RNF169: variants seen among roughly 807,000 people sequenced by gnomAD.
RNF169 encodes the protein ring finger protein 169.
In RNF169, 24 loss-of-function variants were observed where a neutral mutation model predicts 53.9. That is an observed-to-expected ratio of 0.45 (90% CI 0.32 to 0.63). RNF169 has a LOEUF of 0.63. RNF169 is among the 20% of genes least tolerant of loss of function. RNF169 has a pLI of 0.04. For missense variants in RNF169, 883 were observed against 906.2 expected, an observed-to-expected ratio of 0.97 and a Z score of 0.33; for synonymous variants, 396 against 363.5, an observed-to-expected ratio of 1.09 and a Z score of -1.02.
chr11:74,780,812 T>C (rs1004322961), intron 1 of RNF169, among the ~76,000 whole-genome samples: 4 of 152,162 alleles, frequency 2.6e-5, no homozygotes, highest in African/African-American at 2.4e-5. Context: ...TTTCAGACAT[T>C]TGTGGATTCT....
intron 1 of RNF169, among the ~76,000 whole-genome samples, chr11:74,781,873 G>C (rs2035421322): frequency 6.6e-6 from 1 of 152,164 alleles, no homozygotes; most frequent in Admixed American, 6.6e-5. Context: ...TTCCTCATCT[G>C]TAAAATGTGG....
chr11:74,749,450 G>C (rs1343882777), intron 1 of RNF169, 68 bp downstream of exon 1: 3 of 1,177,180 alleles, frequency 2.5e-6, no homozygotes, highest in Non-Finnish European at 3.2e-6. Context: ...GGCCTGGTGA[G>C]GGGGTGGAGA....
chr11:74,779,056 C>G (rs1750156770), intron 1 of RNF169, among the ~76,000 whole-genome samples: 1 of 152,100 alleles, frequency 6.6e-6, no homozygotes, highest in Admixed American at 6.5e-5. Context: ...CCATAATCAG[C>G]CTAACCATTT....
intron 2 of RNF169, among the ~76,000 whole-genome samples, chr11:74,790,429 A>G (rs564178073): frequency 1.3e-5 from 2 of 152,310 alleles, no homozygotes; most frequent in African/African-American, 4.8e-5. Context: ...TCATCATAAG[A>G]TAGAGGTGAA....
intron 2 of RNF169, among the ~76,000 whole-genome samples, chr11:74,792,142 C>G (rs2035588529): frequency 6.6e-6 from 1 of 152,130 alleles, no homozygotes; most frequent in African/African-American, 2.4e-5. Flanking sequence ...TTTATATTGG[C>G]ATTGTGAGGT....
intron 1 of RNF169, among the ~76,000 whole-genome samples, chr11:74,769,151 A>G (rs565699131): frequency 1.3e-5 from 2 of 152,360 alleles, no homozygotes; most frequent in South Asian, 4.1e-4. Context: ...GATATCCAAC[A>G]TATATGAACT....
At chr11:74,760,406 G>C (rs990648883) in intron 1 of RNF169, among the ~76,000 whole-genome samples, 39 of 151,834 alleles carry the variant, frequency 2.6e-4, no homozygotes, top group African/African-American at 8.4e-4. Context: ...TGATGTTAGG[G>C]TGTCAATTTT....
At position 74,820,617 on chromosome 11, in the gene RNF169, G is replaced by T. The variant is rs576323135; in HGVS notation, c.842+2903G>T. Among the ~76,000 whole-genome samples, 4 of 152,220 alleles carry T rather than the reference G, an allele frequency of 2.6e-5. No individual in the cohort carries two copies. The East Asian group carries it at 7.7e-4, about 29-fold the overall frequency. ...CTTGATGATGGCCTGGGGTGTGTGT[G>T]TGTTTGGGGAGGGATTCAGGAATTG... On this transcript the variant is annotated intron_variant, in intron 4 of 5. Coordinates refer to ENST00000299563, the MANE Select transcript of RNF169 (RefSeq NM_001098638.2).
chr11:74,826,960 CA>C (rs2036107308), intron 4 of RNF169, among the ~76,000 whole-genome samples: 1 of 152,190 alleles, frequency 6.6e-6, no homozygotes, highest in Non-Finnish European at 1.5e-5. Flanking sequence ...TGTAAGCTGT[CA>C]GTGGATCTAC....
chr11:74,780,496 C>T (rs908579603), intron 1 of RNF169, among the ~76,000 whole-genome samples: 5 of 152,212 alleles, frequency 3.3e-5, no homozygotes, highest in African/African-American at 7.2e-5. Flanking sequence ...TTCACCTCCT[C>T]CAGGAAGCCT....
chr11:74,766,334 A>G (rs1181682849), intron 1 of RNF169, among the ~76,000 whole-genome samples: 1 of 152,216 alleles, frequency 6.6e-6, no homozygotes, highest in Non-Finnish European at 1.5e-5. Context: ...TCTTCCACAA[A>G]TAAATTAGGA....
At position 74,748,908 on chromosome 11, in the gene RNF169, G is replaced by A; in HGVS notation, c.28G>A (p.Ala10Thr). 1.7e-5 allele frequency: 24 copies of A among 1,448,402 alleles called. No homozygotes were observed. Among genetic ancestry groups the A allele is most frequent in the South Asian group, 4.1e-5 (3 of 73,160 alleles). 89.7% of individuals were successfully genotyped at this position (1,448,402 alleles called of 1,614,324 possible). ...GGCGGCTGCAGGTCCGAGTACTCGG[G>A]CCTCTTCCGCGGCGGCAGCAGCCGC... MAAAGPSTR[A>T]SSAAAAAALS... is the part of the protein sequence containing the mutation. Residue 10 changes from alanine (A) to threonine (T), a missense_variant, in exon 1 of 6, where the codon GCC becomes ACC. Ala to Thr is a moderately conservative substitution (Grantham distance 58, BLOSUM62 0). Transcript: ENST00000299563.
intron 2 of RNF169, among the ~76,000 whole-genome samples, chr11:74,803,811 A>ATGTTGATAAACAT (rs2035767218): frequency 6.6e-6 from 1 of 152,266 alleles, no homozygotes; most frequent in Non-Finnish European, 1.5e-5. Flanking sequence ...ACAATTATGA[A>ATGTTGATAAACAT]GATAAATATT....
chr11:74,811,891 G>T (rs1187392779), intron 3 of RNF169, among the ~76,000 whole-genome samples: 1 of 152,158 alleles, frequency 6.6e-6, no homozygotes, highest in Non-Finnish European at 1.5e-5. Flanking sequence ...TCCAGCTGTG[G>T]TCTGTAGTCT....
At chr11:74,828,632 T>G (rs765541192) in intron 4 of RNF169, among the ~76,000 whole-genome samples, 1 of 152,236 alleles carries the variant, frequency 6.6e-6, no homozygotes, top group African/African-American at 2.4e-5. Context: ...CAGCCTGATA[T>G]TGATACAAGA....
In RNF169 at chr11:74,748,849, G is replaced by A; in HGVS notation, c.-32G>A. On this transcript the variant is annotated 5_prime_UTR_variant, in exon 1 of 6. Coordinates refer to ENST00000299563, the MANE Select transcript of RNF169 (RefSeq NM_001098638.2). ...GCCCCGCCCTCCACTCTTCTCCCTCGCAACCGACTCTCCCTTCAAACGGGA... is the reference window on the plus strand; with the variant it reads ...GCCCCGCCCTCCACTCTTCTCCCTCACAACCGACTCTCCCTTCAAACGGGA... 2.2e-6 allele frequency: 3 copies of A among 1,369,102 alleles called. No homozygotes were observed. Among genetic ancestry groups the A allele is most frequent in the Non-Finnish European group, 2.9e-6 (3 of 1,049,524 alleles). 84.8% of individuals were successfully genotyped at this position (1,369,102 alleles called of 1,614,324 possible). A position where few individuals can be genotyped will look rare whatever the true frequency, so the allele number is the denominator to read the frequency against.
rs1305236587 is a variant in RNF169 at position 74,841,375 on chromosome 11, T to C, written c.*4645T>C. 6.6e-6 allele frequency: 1 copy of C among 152,202 alleles called. No homozygotes were observed. The highest frequency in any genetic ancestry group is 1.5e-5 in the Non-Finnish European group (1 of 68,044). 9.4% of individuals were successfully genotyped at this position (152,202 alleles called of 1,614,324 possible). ...GAAGATGATCTAGGAAATGCATCTT[T>C]ATACATGATTGTTAGCTGCTGTAGC... is the stretch of plus-strand genomic sequence containing the variant. On this transcript the variant is annotated 3_prime_UTR_variant, in exon 6 of 6. Transcript: ENST00000299563.
chr11:74,790,653 G>A (rs2035566217), intron 2 of RNF169, among the ~76,000 whole-genome samples: 1 of 152,196 alleles, frequency 6.6e-6, no homozygotes, highest in Admixed American at 6.5e-5. Context: ...TGTGAGCAAG[G>A]GAGCATGGGG....
At chr11:74,754,491 T>A (rs1465096911) in intron 1 of RNF169, among the ~76,000 whole-genome samples, 1 of 152,200 alleles carries the variant, frequency 6.6e-6, no homozygotes, top group African/African-American at 2.4e-5. Flanking sequence ...AGTTTAAATT[T>A]TTTTATCTTC....
Sources: gnomAD v4.1 joint callset for allele counts (sites outside exome capture counted in the v4.1 genomes callset) on GRCh38, gnomAD v4.1.1 for gene constraint, MANE v1.5 for transcripts, NCBI Gene and HGNC (gene_info 2026-07-23, HGNC 2026-07-21) for gene names.